DTD1: variants seen among roughly 807,000 people sequenced by gnomAD.
DTD1 encodes D-tyrosyl-tRNA deacylase 1 homolog.
In DTD1, 13 loss-of-function variants were observed where a neutral mutation model predicts 25.6. The observed-to-expected ratio is 0.51, with a 90% CI of 0.33 to 0.81. The LOEUF is 0.81. DTD1 is among the 30% of genes least tolerant of loss of function. DTD1 has a pLI of 0.02. For synonymous variants in DTD1, 110 were observed against 103.6 expected, an observed-to-expected ratio of 1.06 and a Z score of -0.37; for missense variants, 193 against 266.4, an observed-to-expected ratio of 0.72 and a Z score of 1.92.
At chr20:18,633,638 C>T (rs556942930) in intron 4 of DTD1, among the ~76,000 whole-genome samples, 5 of 152,220 alleles carry the variant, frequency 3.3e-5, no homozygotes, top group Admixed American at 1.3e-4. Context: ...TGTTGCCTCT[C>T]AGCCGAGTGG....
chr20:18,633,693 G>A lies in DTD1; in HGVS notation c.477+5460G>A, dbSNP rs74345269. Among the ~76,000 whole-genome samples, 1,180 of 152,288 alleles carry A rather than the reference G, an allele frequency of 7.7e-3. 8 individuals carry two copies. Among genetic ancestry groups the A allele is most frequent in the Middle Eastern group, 0.014 (4 of 294 alleles). ...GTTTTAGCTGACCTTTAAGGATATG[G>A]AAAGTAGAAGGGATTCCCAATTATT... is the stretch of plus-strand genomic sequence containing the variant. On this transcript the variant is annotated intron_variant, in intron 4 of 5. Coordinates refer to ENST00000377452, the MANE Select transcript of DTD1 (RefSeq NM_080820.6).
At chr20:18,648,416 G>A (rs990850426) in intron 4 of DTD1, among the ~76,000 whole-genome samples, 3 of 152,224 alleles carry the variant, frequency 2.0e-5, no homozygotes, top group Non-Finnish European at 4.4e-5. Flanking sequence ...AATGATCTGG[G>A]ATGTACAGCG....
chr20:18,754,172 C>G (rs2061330715), intron 5 of DTD1, among the ~76,000 whole-genome samples: 1 of 152,190 alleles, frequency 6.6e-6, no homozygotes, highest in Non-Finnish European at 1.5e-5. Flanking sequence ...AAGCCAGAAG[C>G]AGGTCAGTTG....
chr20:18,681,248 C>T (rs193200154), intron 4 of DTD1, among the ~76,000 whole-genome samples: 2 of 152,146 alleles, frequency 1.3e-5, no homozygotes, highest in Admixed American at 6.5e-5. Context: ...CAGCTGGGCA[C>T]GCTGAGCTGT....
At chr20:18,623,175 G>A (rs1245904583) in intron 3 of DTD1, among the ~76,000 whole-genome samples, 2 of 151,862 alleles carry the variant, frequency 1.3e-5, no homozygotes, top group African/African-American at 2.4e-5. Flanking sequence ...TCCCGACCTC[G>A]TGATCCGCCC....
intron 3 of DTD1, among the ~76,000 whole-genome samples, chr20:18,607,005 T>G (rs11699119): frequency 0.14 from 21,951 of 152,210 alleles, 1,702 homozygotes; most frequent in Admixed American, 0.2. Flanking sequence ...ATGCTTTTTC[T>G]GTGTTTATGG....
At chr20:18,686,219 A>G (rs1684558629) in intron 4 of DTD1, among the ~76,000 whole-genome samples, 2 of 152,262 alleles carry the variant, frequency 1.3e-5, no homozygotes, top group Non-Finnish European at 2.9e-5. Flanking sequence ...AGATTTTATA[A>G]ACATTTTCCC....
At chr20:18,756,206 C>G (rs925659512) in intron 5 of DTD1, among the ~76,000 whole-genome samples, 1 of 152,166 alleles carries the variant, frequency 6.6e-6, no homozygotes, top group Non-Finnish European at 1.5e-5. Flanking sequence ...AAAATTTTCT[C>G]CCACTTTGTA....
chr20:18,759,747 C>A (rs546617327), intron 5 of DTD1, among the ~76,000 whole-genome samples: 16 of 152,214 alleles, frequency 1.1e-4, no homozygotes, highest in East Asian at 5.8e-4. Context: ...ATCTTTGTGG[C>A]GTTCTCTGTA....
chr20:18,708,323 TA>T (rs1568677083), intron 4 of DTD1, among the ~76,000 whole-genome samples: 1 of 42,456 alleles, frequency 2.4e-5, no homozygotes, highest in African/African-American at 7.8e-5. Flanking sequence ...ATATATATTA[TA>T]TATATATATT....
intron 3 of DTD1, 43 bp downstream of exon 3, chr20:18,596,284 T>C (rs1285437501): frequency 1.3e-6 from 2 of 1,520,122 alleles, no homozygotes; most frequent in East Asian, 2.3e-5. Flanking sequence ...TTTGGGACAC[T>C]CCTGGATGGA....
intron 4 of DTD1, among the ~76,000 whole-genome samples, chr20:18,682,322 G>A (rs981515769): frequency 4.6e-5 from 7 of 152,106 alleles, no homozygotes; most frequent in South Asian, 2.1e-4. Context: ...AGATTTCTTC[G>A]CCCATTGTTG....
At chr20:18,708,977 C>T (rs2061147475) in intron 4 of DTD1, among the ~76,000 whole-genome samples, 1 of 152,226 alleles carries the variant, frequency 6.6e-6, no homozygotes, top group South Asian at 2.1e-4. Flanking sequence ...TTCCTCCCCA[C>T]TTAATCGATT....
chr20:18,657,090 C>T (rs1195003601), intron 4 of DTD1, among the ~76,000 whole-genome samples: 1 of 152,082 alleles, frequency 6.6e-6, no homozygotes, highest in Admixed American at 6.6e-5. Context: ...CACAGATCTT[C>T]TTTGAATTTT....
At chr20:18,597,742 A>T (rs2060617426) in intron 3 of DTD1, among the ~76,000 whole-genome samples, 1 of 152,166 alleles carries the variant, frequency 6.6e-6, no homozygotes, top group Admixed American at 6.5e-5. Context: ...TTTATTTATA[A>T]TCTGTAACTG....
In DTD1 at chr20:18,675,817, C is replaced by CTATGTGTATATTTACACAT. The variant is rs1568665467; in HGVS notation, c.477+47584_477+47585insTATGTGTATATTTACACAT. Among the ~76,000 whole-genome samples the CTATGTGTATATTTACACAT allele has an allele frequency of 2.7e-3, 137 of 50,396 alleles. 15 individuals carry two copies. The highest frequency in any genetic ancestry group is 0.01 in the African/African-American group (127 of 12,688). The allele number at this position is 50,396 out of a possible 152,430, so 33.1% of individuals were successfully genotyped here. A position where few individuals can be genotyped will look rare whatever the true frequency, so the allele number is the denominator to read the frequency against. On this transcript the variant is annotated intron_variant, in intron 4 of 5. Transcript: ENST00000377452. ...ATATACCTATGTGTATATTTACACACATATATGTAAATATACCTATGTGTA... is the reference window on the plus strand; with the variant it reads ...ATATACCTATGTGTATATTTACACACTATGTGTATATTTACACATATATATGTAAATATACCTATGTGTA...
intron 4 of DTD1, among the ~76,000 whole-genome samples, chr20:18,634,255 G>A (rs544572481): frequency 2.0e-5 from 3 of 152,266 alleles, no homozygotes; most frequent in Admixed American, 6.5e-5. Flanking sequence ...CTTTCTCTGC[G>A]TAGGGCTTGT....
intron 4 of DTD1, among the ~76,000 whole-genome samples, chr20:18,695,052 A>G (rs1264202220): frequency 6.6e-6 from 1 of 152,160 alleles, no homozygotes; most frequent in Non-Finnish European, 1.5e-5. Flanking sequence ...ACAGATACTC[A>G]GCGCGTGTTC....
intron 3 of DTD1, among the ~76,000 whole-genome samples, chr20:18,609,440 C>T (rs560176626): frequency 2.6e-5 from 4 of 152,262 alleles, no homozygotes; most frequent in South Asian, 2.1e-4. Flanking sequence ...GCGTGAGCCA[C>T]CAAGCCCATC....
Sources: allele counts gnomAD v4.1 joint callset (sites outside exome capture counted in the v4.1 genomes callset), GRCh38; gene constraint gnomAD v4.1.1; transcripts MANE v1.5; gene names NCBI Gene and HGNC (gene_info 2026-07-23, HGNC 2026-07-21).